Variants in IL23R observed in about 807,000 individuals in gnomAD.
IL23R encodes interleukin-23 receptor.
A neutral mutation model predicts 56.9 loss-of-function variants in IL23R; 34 were observed. That is an observed-to-expected ratio of 0.60 (90% CI 0.45 to 0.80). The LOEUF (loss-of-function observed/expected upper bound fraction) is 0.80. IL23R is among the 30% of genes least tolerant of loss of function. The probability of loss-of-function intolerance (pLI) is 0.00; values close to 1 mark genes in which losing one functional copy is unlikely to be tolerated. For synonymous variants in IL23R, 230 were observed against 249.2 expected, an observed-to-expected ratio of 0.92 and a Z score of 0.73; for missense variants, 635 against 730.0, an observed-to-expected ratio of 0.87 and a Z score of 1.50.
intron 4 of IL23R, among the ~76,000 whole-genome samples, chr1:67,189,241 G>A (rs954115074): frequency 4.3e-4 from 66 of 152,016 alleles, no homozygotes; most frequent in Admixed American, 1.6e-3. Context: ...AATCTAGAAT[G>A]GGGCCTGACA....
chr1:67,224,382 A>G, intron 7 of IL23R, among the ~76,000 whole-genome samples: 1 of 152,252 alleles, frequency 6.6e-6, no homozygotes. Flanking sequence ...GAAGAAACAC[A>G]GCCCAGGCAG....
At chr1:67,238,832 T>C (rs1457429772) in intron 8 of IL23R, among the ~76,000 whole-genome samples, 1 of 152,196 alleles carries the variant, frequency 6.6e-6, no homozygotes, top group Non-Finnish European at 1.5e-5. Flanking sequence ...TCTTTAGCCC[T>C]GGGAAAACAT....
Position 67,182,845 on chromosome 1 carries a change from A to G in IL23R, c.377A>G (p.Asp126Gly), listed in dbSNP as rs1162079771. 6.2e-7 allele frequency: 1 copy of G among 1,614,042 alleles called. No individual in the cohort carries two copies. Among genetic ancestry groups the G allele is most frequent in the African/African-American group, 1.3e-5 (1 of 75,058 alleles). The change falls in exon 4 of 11, where the codon GAT (aspartate) becomes GGT (glycine). Residue 126 changes from aspartate to glycine, a missense_variant. Physicochemically the swap from Asp to Gly is moderately conservative, Grantham distance 94. Coordinates refer to ENST00000347310, the MANE Select transcript of IL23R (RefSeq NM_144701.3). The part of the protein sequence containing the change: ...GKDISSGYPP[D>G]IPDEVTCVIY... ...TTATGTTTTGTTGCAGATCCGCCAG[A>G]TATTCCTGATGAAGTAACCTGTGTC...
chr1:67,264,056 G>A (rs1653281575), downstream of IL23R, among the ~76,000 whole-genome samples: 1 of 152,184 alleles, frequency 6.6e-6, no homozygotes, highest in Non-Finnish European at 1.5e-5. Context: ...AGGAGACTGG[G>A]ATGCTGGACC....
intron 9 of IL23R, among the ~76,000 whole-genome samples, chr1:67,251,895 C>A (rs1037649079): frequency 2.0e-5 from 3 of 152,272 alleles, no homozygotes; most frequent in African/African-American, 7.2e-5. Context: ...ATTTTTAGAG[C>A]TAACTGTGAC....
At chr1:67,221,899 G>A (rs1275847048) in intron 7 of IL23R, among the ~76,000 whole-genome samples, 1 of 152,090 alleles carries the variant, frequency 6.6e-6, no homozygotes, top group Non-Finnish European at 1.5e-5. Context: ...GCCAGGTGCA[G>A]TGGCTCATGC....
chr1:67,208,862 C>T (rs1649260278), intron 6 of IL23R, among the ~76,000 whole-genome samples: 1 of 152,138 alleles, frequency 6.6e-6, no homozygotes, highest in Admixed American at 6.6e-5. Flanking sequence ...ACAGCTTGAA[C>T]CGTGCACCTG....
chr1:67,157,616 C>T (rs1646780474), intron 1 of IL23R, among the ~76,000 whole-genome samples: 1 of 152,208 alleles, frequency 6.6e-6, no homozygotes, highest in Non-Finnish European at 1.5e-5. Context: ...TTACTCTTCG[C>T]CATCTCCTGT....
intron 9 of IL23R, among the ~76,000 whole-genome samples, chr1:67,253,876 A>C (rs1355360768): frequency 6.6e-6 from 1 of 152,186 alleles, no homozygotes; most frequent in Admixed American, 6.5e-5. Context: ...ACAAGGAATT[A>C]GGGCAATTCT....
intron 5 of IL23R, among the ~76,000 whole-genome samples, chr1:67,201,195 G>A (rs1648604722): frequency 6.6e-6 from 1 of 151,956 alleles, no homozygotes; most frequent in Admixed American, 6.6e-5. Flanking sequence ...TTGAGGTCAG[G>A]ATTTCGAGAC....
intron 1 of IL23R, among the ~76,000 whole-genome samples, chr1:67,149,314 G>C (rs1276714535): frequency 6.6e-6 from 1 of 152,148 alleles, no homozygotes; most frequent in African/African-American, 2.4e-5. Context: ...ACCCCGTGGG[G>C]AAAGCAGATT....
At chr1:67,227,964 T>C (rs1269531381) in intron 7 of IL23R, among the ~76,000 whole-genome samples, 2 of 58,282 alleles carry the variant, frequency 3.4e-5, no homozygotes, top group South Asian at 5.0e-4. Context: ...CTTTCTTTCT[T>C]TCTTTCTTTC....
intron 3 of IL23R, 33 bp from the exon 4 acceptor site, chr1:67,182,803 A>G (rs1359658156): frequency 6.2e-7 from 1 of 1,613,244 alleles, no homozygotes; most frequent in African/African-American, 1.3e-5. Flanking sequence ...CGTATTTCTT[A>G]CAGCACCTCC....
At chr1:67,166,246 G>A (rs1156345003), upstream of IL23R, among the ~76,000 whole-genome samples, 1 of 152,136 alleles carries the variant, frequency 6.6e-6, no homozygotes, top group Non-Finnish European at 1.5e-5. Context: ...TCTTGGATGA[G>A]ACCATTTTAA....
intron 6 of IL23R, among the ~76,000 whole-genome samples, chr1:67,212,159 CTCAG>C (rs1649522771): frequency 6.6e-6 from 1 of 152,200 alleles, no homozygotes; most frequent in Non-Finnish European, 1.5e-5. Flanking sequence ...TCATGACTCC[CTCAG>C]TCAATCTACC....
At chr1:67,205,251 G>A (rs777473280) in intron 5 of IL23R, among the ~76,000 whole-genome samples, 6 of 152,174 alleles carry the variant, frequency 3.9e-5, no homozygotes, top group African/African-American at 1.4e-4. Context: ...TTACTAGACA[G>A]CAAATCCTTA....
intron 1 of IL23R, among the ~76,000 whole-genome samples, chr1:67,147,675 G>C (rs1452799913): frequency 6.6e-6 from 1 of 152,042 alleles, no homozygotes; most frequent in Non-Finnish European, 1.5e-5. Context: ...CTGCACTCCA[G>C]CCTGGGCGAC....
At chr1:67,218,285 T>C (rs1455803914) in intron 6 of IL23R, among the ~76,000 whole-genome samples, 1 of 150,820 alleles carries the variant, frequency 6.6e-6, no homozygotes, top group Non-Finnish European at 1.5e-5. Context: ...TATATATATA[T>C]ACATACATAT....
intron 7 of IL23R, among the ~76,000 whole-genome samples, chr1:67,222,519 C>T (rs561850104): frequency 7.0e-4 from 106 of 152,030 alleles, no homozygotes; most frequent in Middle Eastern, 6.8e-3. Context: ...CTTTAGATGC[C>T]ATTTTATAAT....
Sources: allele counts gnomAD v4.1 joint callset (sites outside exome capture counted in the v4.1 genomes callset), GRCh38; gene constraint gnomAD v4.1.1; transcripts MANE v1.5; gene names NCBI Gene and HGNC (gene_info 2026-07-23, HGNC 2026-07-21).